PPARG: variants seen among roughly 807,000 people sequenced by gnomAD.
PPARG encodes peroxisome proliferator activated receptor gamma.
Under a neutral mutation model 39.2 loss-of-function variants are expected in PPARG, and 17 were observed. The ratio of observed to expected loss-of-function variants is 0.43; its 90% CI spans 0.30 to 0.65. PPARG has a LOEUF of 0.65. Among genes scored for constraint, PPARG ranks in the 30% least tolerant of loss-of-function variants. The pLI is 0.13. For missense variants in PPARG, 406 were observed against 585.9 expected (o/e 0.69, Z 3.17); for synonymous variants, 223 against 215.7 (o/e 1.03, Z -0.30).
chr3:12,343,503 A>C (rs2125074829), intron 2 of PPARG, among the ~76,000 whole-genome samples: 1 of 152,330 alleles, frequency 6.6e-6, no homozygotes, highest in East Asian at 1.9e-4. Context: ...TAAAATGGTG[A>C]TAATAAATGA....
At chr3:12,422,785 G>A (rs2051308055) in intron 7 of PPARG, among the ~76,000 whole-genome samples, 1 of 151,930 alleles carries the variant, frequency 6.6e-6, no homozygotes, top group Non-Finnish European at 1.5e-5. Context: ...TGGAGGCTGA[G>A]GCAGGAGGAT....
Position 12,402,974 on chromosome 3 carries a change from T to C in PPARG, c.530-2908T>C, listed in dbSNP as rs139687042. 3.9e-5 allele frequency among the ~76,000 whole-genome samples: 6 copies of C among 152,296 alleles called. No individual in the cohort carries two copies. The East Asian group carries it at 1.2e-3, about 30-fold the overall frequency. On this transcript the variant is annotated intron_variant, in intron 5 of 7. Coordinates refer to ENST00000651735, the MANE Select transcript of PPARG (RefSeq NM_138711.6). ...GATCATCTCTAGATGACTTATAATA[T>C]CTAATACAGTATAAATACTGTATAA...
At chr3:12,289,738 C>A (rs557917332) in intron 1 of PPARG, among the ~76,000 whole-genome samples, 2 of 152,162 alleles carry the variant, frequency 1.3e-5, no homozygotes, top group Non-Finnish European at 2.9e-5. Flanking sequence ...CATGGACATT[C>A]ACTGTGGCTT....
rs779674191 is a variant in PPARG at position 12,420,528 on chromosome 3, C to T, written c.1180+3374C>T. On this transcript the variant is annotated intron_variant, in intron 7 of 7. Transcript: ENST00000651735. ...GGGATCCAGTTGGCCTCATTCTGAG[C>T]TGGCTGTGGATTCACAGAAGAACTT... Among the ~76,000 whole-genome samples, 49 of 152,196 alleles carry T rather than the reference C, an allele frequency of 3.2e-4. 1 individual carries two copies. Among genetic ancestry groups the T allele is most frequent in the Non-Finnish European group, 6.0e-4 (41 of 68,048 alleles).
chr3:12,381,483 G>T lies in PPARG; in HGVS notation c.382G>T (p.Gly128Ter). 6.2e-7 allele frequency: 1 copy of T among 1,613,364 alleles called. No individual in the cohort carries two copies. Among genetic ancestry groups the T allele is most frequent in the Non-Finnish European group, 8.5e-7 (1 of 1,179,602 alleles). ...GFHYGVHACE[G>*]CKGFFRRTIR... ...TCACTATGGAGTTCATGCTTGTGAAGGATGCAAGGTAATTAAAAAAAAAGT... is the reference window on the plus strand; with the variant it reads ...TCACTATGGAGTTCATGCTTGTGAATGATGCAAGGTAATTAAAAAAAAAGT... The change falls in exon 4 of 8, where the codon GGA becomes TGA. Residue 128 changes from glycine to a stop codon, truncating the protein, a stop_gained. Coordinates refer to ENST00000651735, the MANE Select transcript of PPARG (RefSeq NM_138711.6). LOFTEE classifies it high-confidence loss of function.
At chr3:12,381,257 G>T in intron 3 of PPARG, 65 bp from the exon 4 acceptor site, 3 of 1,488,820 alleles carry the variant, frequency 2.0e-6, no homozygotes, top group Non-Finnish European at 2.8e-6. Flanking sequence ...ATGGTGGCTT[G>T]CCCTGTTGCC....
intron 1 of PPARG, among the ~76,000 whole-genome samples, chr3:12,297,621 C>T (rs977912262): frequency 2.0e-5 from 3 of 152,056 alleles, no homozygotes; most frequent in Admixed American, 6.6e-5. Context: ...TGCCTAGTCT[C>T]TATTTGGCAT....
chr3:12,402,065 G>A lies in PPARG; in HGVS notation c.530-3817G>A, dbSNP rs573343390. Among the ~76,000 whole-genome samples the A allele has an allele frequency of 3.3e-5, 5 of 152,170 alleles. No individual in the cohort carries two copies. The South Asian group carries it at 1.0e-3, about 32-fold the overall frequency. On this transcript the variant is annotated intron_variant, in intron 5 of 7. Transcript: ENST00000651735. The stretch of plus-strand genomic sequence containing the variant: ...AATTAACTTTTTTGATTACCCATTA[G>A]GAAAAAATTGCTTTTCTAGGTGTGT...
chr3:12,322,102 T>A (rs1208967023), intron 2 of PPARG, among the ~76,000 whole-genome samples: 1 of 152,244 alleles, frequency 6.6e-6, no homozygotes, highest in African/African-American at 2.4e-5. Context: ...GTAGATTTAA[T>A]CTTTGCATAG....
chr3:12,301,252 C>G (rs1191168415), intron 1 of PPARG, among the ~76,000 whole-genome samples: 1 of 152,184 alleles, frequency 6.6e-6, no homozygotes, highest in Non-Finnish European at 1.5e-5. Flanking sequence ...TGGAGACTTT[C>G]AATGGCAACT....
At chr3:12,425,753 G>A (rs2051421646) in intron 7 of PPARG, among the ~76,000 whole-genome samples, 1 of 152,198 alleles carries the variant, frequency 6.6e-6, no homozygotes, top group South Asian at 2.1e-4. Context: ...TGACAAAAAG[G>A]TGGGGAGCAA....
At chr3:12,305,518 C>T (rs1399616874) in intron 1 of PPARG, among the ~76,000 whole-genome samples, 1 of 152,176 alleles carries the variant, frequency 6.6e-6, no homozygotes, top group African/African-American at 2.4e-5. Flanking sequence ...TTTCTGTCCT[C>T]TTTTTTCCAA....
chr3:12,325,852 G>T (rs924112303), intron 2 of PPARG, among the ~76,000 whole-genome samples: 1 of 151,708 alleles, frequency 6.6e-6, no homozygotes, highest in African/African-American at 2.4e-5. Flanking sequence ...GGAAATCATA[G>T]GATTTTCAAA....
intron 4 of PPARG, among the ~76,000 whole-genome samples, chr3:12,383,179 G>A (rs2049747004): frequency 6.6e-6 from 1 of 152,116 alleles, no homozygotes; most frequent in South Asian, 2.1e-4. Flanking sequence ...TATGTAAAAT[G>A]ACTTGGTTAG....
At chr3:12,339,539 A>G (rs912725330) in intron 2 of PPARG, among the ~76,000 whole-genome samples, 6 of 152,236 alleles carry the variant, frequency 3.9e-5, no homozygotes, top group Non-Finnish European at 8.8e-5. Flanking sequence ...TTTAGGTATC[A>G]GATATTTTCG....
intron 2 of PPARG, among the ~76,000 whole-genome samples, chr3:12,341,703 G>T (rs576407993): frequency 1.7e-4 from 26 of 152,312 alleles, no homozygotes; most frequent in Non-Finnish European, 2.2e-4. Flanking sequence ...CAGCTACTCA[G>T]GAGGCTGAGG....
At chr3:12,400,802 G>C (rs2050445042) in intron 5 of PPARG, among the ~76,000 whole-genome samples, 1 of 152,188 alleles carries the variant, frequency 6.6e-6, no homozygotes, top group South Asian at 2.1e-4. Context: ...GCTAGAGGAA[G>C]GAAACTTTAG....
At chr3:12,427,843 C>T (rs1289184039) in intron 7 of PPARG, among the ~76,000 whole-genome samples, 1 of 152,210 alleles carries the variant, frequency 6.6e-6, no homozygotes, top group African/African-American at 2.4e-5. Context: ...TCAGCCCACA[C>T]CTGAACTAAG....
intron 4 of PPARG, among the ~76,000 whole-genome samples, chr3:12,391,467 G>C (rs934782194): frequency 7.9e-5 from 12 of 152,130 alleles, no homozygotes; most frequent in Admixed American, 7.9e-4. Context: ...GAAGGAAATA[G>C]GCAAGTGTGT....
Sources: gnomAD v4.1 joint callset for allele counts (sites outside exome capture counted in the v4.1 genomes callset) on GRCh38, gnomAD v4.1.1 for gene constraint, MANE v1.5 for transcripts, NCBI Gene and HGNC (gene_info 2026-07-23, HGNC 2026-07-21) for gene names.